Variants in RIT2 observed in about 807,000 individuals in gnomAD.
RIT2 encodes Ras like without CAAX 2.
RIT2 carries 24 observed loss-of-function variants against 23.7 expected under a neutral mutation model. That is an observed-to-expected ratio of 1.01 (90% CI 0.73 to 1.43). RIT2 has a LOEUF of 1.43. Ranked by LOEUF, RIT2 falls within the 40% of genes most tolerant of loss-of-function variation. RIT2 has a pLI of 0.00. For synonymous variants in RIT2, 107 were observed against 91.1 expected, an observed-to-expected ratio of 1.17 and a Z score of -0.99; for missense variants, 236 against 266.9, an observed-to-expected ratio of 0.88 and a Z score of 0.81.
chr18:42,984,826 A>G (rs1041388415), intron 2 of RIT2, among the ~76,000 whole-genome samples: 1 of 152,108 alleles, frequency 6.6e-6, no homozygotes, highest in African/African-American at 2.4e-5. Context: ...TAACATCATG[A>G]TTTATAGAAA....
At chr18:42,993,517 T>C (rs1446242897) in intron 2 of RIT2, among the ~76,000 whole-genome samples, 1 of 152,172 alleles carries the variant, frequency 6.6e-6, no homozygotes, top group Non-Finnish European at 1.5e-5. Flanking sequence ...TCCATAACTG[T>C]TGTGGGTATT....
At chr18:43,055,586 A>G (rs1912482708) in intron 1 of RIT2, among the ~76,000 whole-genome samples, 1 of 152,134 alleles carries the variant, frequency 6.6e-6, no homozygotes, top group African/African-American at 2.4e-5. Context: ...TTCATACTAC[A>G]TTTTTTGTAG....
chr18:42,907,145 T>C (rs1908644843), intron 4 of RIT2, among the ~76,000 whole-genome samples: 2 of 152,216 alleles, frequency 1.3e-5, no homozygotes, highest in South Asian at 4.1e-4. Flanking sequence ...TGTAAGCTAG[T>C]TTATCCCTTA....
At chr18:42,906,401 A>G (rs1302824824) in intron 4 of RIT2, among the ~76,000 whole-genome samples, 2 of 152,290 alleles carry the variant, frequency 1.3e-5, no homozygotes, top group East Asian at 1.9e-4. Context: ...TATTACATTA[A>G]TGTTATTTAT....
chr18:42,805,888 C>T (rs903810758), intron 4 of RIT2, among the ~76,000 whole-genome samples: 3 of 152,010 alleles, frequency 2.0e-5, no homozygotes, highest in Admixed American at 1.3e-4. Context: ...AAATTGTCTA[C>T]CAGCCTTTCA....
intron 4 of RIT2, among the ~76,000 whole-genome samples, chr18:42,835,875 T>A (rs1292525417): frequency 1.3e-5 from 2 of 152,176 alleles, no homozygotes; most frequent in Non-Finnish European, 1.5e-5. Context: ...AGTAAATTGA[T>A]ATTTGCCAAA....
chr18:42,992,518 A>G (rs1910876454), intron 2 of RIT2, among the ~76,000 whole-genome samples: 1 of 151,948 alleles, frequency 6.6e-6, no homozygotes, highest in Non-Finnish European at 1.5e-5. Flanking sequence ...CCTTTTCTAC[A>G]GACCCATCTG....
intron 2 of RIT2, among the ~76,000 whole-genome samples, chr18:43,027,982 A>G (rs1911771658): frequency 6.6e-6 from 1 of 152,122 alleles, no homozygotes; most frequent in Non-Finnish European, 1.5e-5. Flanking sequence ...ATTCCTAATA[A>G]ACATGCACTG....
chr18:42,861,238 AG>A (rs1568015189), intron 4 of RIT2, among the ~76,000 whole-genome samples: 3 of 152,218 alleles, frequency 2.0e-5, no homozygotes, highest in Non-Finnish European at 4.4e-5. Flanking sequence ...AGCTACTCTC[AG>A]ATAATATATG....
At chr18:42,902,556 T>A (rs1420114197) in intron 4 of RIT2, among the ~76,000 whole-genome samples, 1 of 150,976 alleles carries the variant, frequency 6.6e-6, no homozygotes, top group Non-Finnish European at 1.5e-5. Flanking sequence ...TATTTCAAAA[T>A]TTTAAAAGAT....
intron 2 of RIT2, among the ~76,000 whole-genome samples, chr18:42,984,342 T>C (rs939578775): frequency 1.3e-5 from 2 of 152,072 alleles, no homozygotes; most frequent in East Asian, 3.9e-4. Context: ...TCCACTTATA[T>C]AATATTATTT....
At chr18:43,047,630 C>G (rs1912279290) in intron 1 of RIT2, among the ~76,000 whole-genome samples, 1 of 151,720 alleles carries the variant, frequency 6.6e-6, no homozygotes, top group South Asian at 2.1e-4. Context: ...TATTTATAAA[C>G]TAACATATGA....
chr18:42,964,663 T>G (rs1413829433), intron 3 of RIT2, among the ~76,000 whole-genome samples: 1 of 152,192 alleles, frequency 6.6e-6, no homozygotes, highest in Non-Finnish European at 1.5e-5. Context: ...TATCCTGCCC[T>G]TTCTCCTTTA....
At chr18:42,894,847 G>C (rs541586892) in intron 4 of RIT2, among the ~76,000 whole-genome samples, 24 of 152,212 alleles carry the variant, frequency 1.6e-4, no homozygotes, top group Non-Finnish European at 3.2e-4. Context: ...AAAAAGTTCA[G>C]CACTAACCAT....
intron 4 of RIT2, among the ~76,000 whole-genome samples, chr18:42,796,383 C>T (rs941101825): frequency 7.9e-5 from 12 of 152,158 alleles, no homozygotes; most frequent in African/African-American, 2.9e-4. Context: ...AAACTCCAGA[C>T]GCACCACCTT....
intron 4 of RIT2, among the ~76,000 whole-genome samples, chr18:42,811,933 T>C (rs2143977797): frequency 6.6e-6 from 1 of 152,256 alleles, no homozygotes; most frequent in Admixed American, 6.5e-5. Flanking sequence ...ATGAGCTACT[T>C]ATGTATGAAT....
chr18:42,984,200 C>T (rs1229168379), intron 2 of RIT2, among the ~76,000 whole-genome samples: 1 of 152,012 alleles, frequency 6.6e-6, no homozygotes, highest in African/African-American at 2.4e-5. Context: ...TGTGATACAA[C>T]CATATCACGG....
rs1170347622 is a variant in RIT2, at chr18:42,985,881, C to G, written c.161-11734G>C. Among the ~76,000 whole-genome samples, 3 of 151,562 alleles carry G rather than the reference C, an allele frequency of 2.0e-5. No homozygotes were observed. The East Asian group carries it at 5.8e-4, about 29-fold the overall frequency. ...AAAATGGCATAAAGTAAAAGATTGA[C>G]CAGTTGGAATACATTTATAAAAATT... On this transcript the variant is annotated intron_variant, in intron 2 of 4. Transcript: ENST00000326695.
At chr18:43,101,266 G>C (rs1052565126) in intron 1 of RIT2, among the ~76,000 whole-genome samples, 3 of 151,966 alleles carry the variant, frequency 2.0e-5, no homozygotes, top group Non-Finnish European at 4.4e-5. Flanking sequence ...CTTCATCTTG[G>C]TACCAAGTGT....
Sources: gnomAD v4.1 joint callset for allele counts (sites outside exome capture counted in the v4.1 genomes callset) on GRCh38, gnomAD v4.1.1 for gene constraint, MANE v1.5 for transcripts, NCBI Gene and HGNC (gene_info 2026-07-23, HGNC 2026-07-21) for gene names.